PHC1: variants seen among roughly 807,000 people sequenced by gnomAD.
The protein encoded by PHC1 is polyhomeotic homolog 1.
A neutral mutation model predicts 104.3 loss-of-function variants in PHC1; 12 were observed. That is an observed-to-expected ratio of 0.12 (90% CI 0.07 to 0.19). The LOEUF (loss-of-function observed/expected upper bound fraction) is 0.19, where lower values mean the gene tolerates loss of function less well. Ranked by LOEUF, PHC1 falls within the 10% of genes least tolerant of loss-of-function variation. The pLI, the probability that PHC1 is intolerant of heterozygous loss-of-function variation, is 1.00. For missense variants in PHC1, 671 were observed against 1,200.0 expected (o/e 0.56, Z 6.51); for synonymous variants, 302 against 455.8 (o/e 0.66, Z 4.30).
chr12:8,923,200 G>A (rs1322744992), intron 6 of PHC1, among the ~76,000 whole-genome samples: 1 of 152,164 alleles, frequency 6.6e-6, no homozygotes, highest in Non-Finnish European at 1.5e-5. Flanking sequence ...ATGTTTGGTT[G>A]CTTCTGTTTG....
chr12:8,932,060 A>G (rs1219522573), intron 7 of PHC1, among the ~76,000 whole-genome samples: 1 of 152,216 alleles, frequency 6.6e-6, no homozygotes, highest in African/African-American at 2.4e-5. Flanking sequence ...GTAAAATCCA[A>G]GTCATTTGTG....
intron 8 of PHC1, 146 bp downstream of exon 8, chr12:8,933,496 C>T (rs1945749655): frequency 9.5e-7 from 1 of 1,048,770 alleles, no homozygotes; most frequent in Non-Finnish European, 1.3e-6. Context: ...AAGAGAGTGA[C>T]ACATTATATA....
chr12:8,923,522 C>T (rs1423442708), intron 6 of PHC1, among the ~76,000 whole-genome samples: 1 of 152,146 alleles, frequency 6.6e-6, no homozygotes, highest in Non-Finnish European at 1.5e-5. Context: ...ATACAACCAA[C>T]TGCAGATTGA....
At chr12:8,928,358 C>T (rs1945588529) in intron 6 of PHC1, among the ~76,000 whole-genome samples, 1 of 152,094 alleles carries the variant, frequency 6.6e-6, no homozygotes, top group Non-Finnish European at 1.5e-5. Context: ...ACTTCTGGTA[C>T]ACAGAATTTG....
At chr12:8,931,998 G>A (rs1349043656) in intron 7 of PHC1, among the ~76,000 whole-genome samples, 2 of 152,242 alleles carry the variant, frequency 1.3e-5, no homozygotes, top group African/African-American at 4.8e-5. Flanking sequence ...TTAGGTCAGA[G>A]CTGACAGGTG....
chr12:8,935,966 G>A (rs1340403582), intron 11 of PHC1, among the ~76,000 whole-genome samples: 1 of 151,778 alleles, frequency 6.6e-6, no homozygotes, highest in Non-Finnish European at 1.5e-5. Flanking sequence ...TCTGCATGTT[G>A]GTCAGGCTAG....
At chr12:8,932,072 G>C (rs1011689760) in intron 7 of PHC1, among the ~76,000 whole-genome samples, 2 of 152,188 alleles carry the variant, frequency 1.3e-5, no homozygotes, top group Admixed American at 6.5e-5. Flanking sequence ...TCATTTGTGG[G>C]AAGACGTTGA....
At chr12:8,937,479 C>A (rs764147778) in intron 13 of PHC1, among the ~76,000 whole-genome samples, 153 bp downstream of exon 13, 1 of 152,120 alleles carries the variant, frequency 6.6e-6, no homozygotes, top group Non-Finnish European at 1.5e-5. Context: ...ATCCTGACCC[C>A]CTTTGTCTCC....
intron 6 of PHC1, among the ~76,000 whole-genome samples, chr12:8,926,272 T>C (rs1486768711): frequency 7.0e-6 from 1 of 143,748 alleles, no homozygotes; most frequent in Admixed American, 7.3e-5. Context: ...ATATAGATGA[T>C]AATTGAAGTC....
Position 8,922,744 on chromosome 12 carries a change from G to T in PHC1, c.568G>T (p.Val190Leu), listed in dbSNP as rs1945401162. The change falls in exon 6 of 15, where the codon GTG (valine) becomes TTG (leucine). Residue 190 changes from valine (V) to leucine (L), a missense_variant. Physicochemically the swap from Val to Leu is conservative, Grantham distance 32 (BLOSUM62 1). Transcript: ENST00000544916. ...GGCGGTGGCTGCAGTCCAGCAGGAG[G>T]TGCCATCTGCTCAGTCTCCTGGAGT... Reference protein sequence around the residue: ...NGAVAAVQQEVPSAQSPGVHA... With the variant: ...NGAVAAVQQELPSAQSPGVHA... The T allele has an allele frequency of 9.3e-6, 15 of 1,612,676 alleles. No individual in the cohort carries two copies. The highest frequency in any genetic ancestry group is 1.2e-5 in the Non-Finnish European group (14 of 1,179,502).
In PHC1 at chr12:8,922,659, A is replaced by G. The variant is rs372373044; in HGVS notation, c.483A>G (p.Val161=). 1 of 1,586,760 alleles carries G rather than the reference A, an allele frequency of 6.3e-7. No homozygotes were observed. The highest frequency in any genetic ancestry group is 1.3e-5 in the African/African-American group (1 of 74,406). ...CACAGCTGGGAAACCTATTGCAGGT[A>G]AACCGAACCCTGGGTCGGAATGTGC... ...LRPQLGNLLQ[V]NRTLGRNVPL... The change falls in exon 6 of 15, where the codon GTA becomes GTG. Residue 161 remains valine, a synonymous_variant. Transcript: ENST00000544916.
chr12:8,928,941 A>G (rs1945605521), intron 6 of PHC1, among the ~76,000 whole-genome samples: 1 of 152,124 alleles, frequency 6.6e-6, no homozygotes, highest in Non-Finnish European at 1.5e-5. Context: ...TCTTCTGTAG[A>G]TGGCCCTTTG....
intron 8 of PHC1, 114 bp from the exon 9 acceptor site, chr12:8,933,751 A>G: frequency 1.2e-6 from 1 of 809,908 alleles, no homozygotes; most frequent in Admixed American, 2.7e-5. Flanking sequence ...GGAAGTAGAT[A>G]AATTGGGAAA....
chr12:8,940,146 CCT>C lies in PHC1; in HGVS notation c.*688_*689del, dbSNP rs1945968068. ...CCCTCCAATTTATGTTATTTTCTACCCTGTTTTTCAGTTCCATCTCTGCTCTG... is the reference window on the plus strand; with the variant it reads ...CCCTCCAATTTATGTTATTTTCTACCGTTTTTCAGTTCCATCTCTGCTCTG... On this transcript the variant is annotated 3_prime_UTR_variant, in exon 15 of 15. Coordinates refer to ENST00000544916, the MANE Select transcript of PHC1 (RefSeq NM_004426.3). 2.9e-6 allele frequency: 1 copy of C among 345,080 alleles called. No homozygotes were observed. Among genetic ancestry groups the C allele is most frequent in the Non-Finnish European group, 5.7e-6 (1 of 175,162 alleles). The allele number at this position is 345,080 out of a possible 1,614,324, so 21.4% of individuals were successfully genotyped here.
At chr12:8,934,944 T>C (rs1258918827) in intron 10 of PHC1, among the ~76,000 whole-genome samples, 180 bp from the exon 11 acceptor site, 2 of 151,980 alleles carry the variant, frequency 1.3e-5, no homozygotes, top group African/African-American at 4.8e-5. Context: ...TTTCCAAACA[T>C]TGTATAGAGA....
intron 11 of PHC1, among the ~76,000 whole-genome samples, chr12:8,936,311 G>A (rs1945835895): frequency 6.6e-6 from 1 of 152,208 alleles, no homozygotes; most frequent in South Asian, 2.1e-4. Flanking sequence ...GAGCCCGGGA[G>A]GTGGAGGTTG....
intron 8 of PHC1, 80 bp from the exon 9 acceptor site, chr12:8,933,785 T>G (rs1945757218): frequency 2.4e-6 from 3 of 1,237,206 alleles, no homozygotes; most frequent in South Asian, 1.4e-5. Flanking sequence ...AAATTTTCTT[T>G]GAACATATGG....
In PHC1 at chr12:8,921,734, C is replaced by T. The variant is rs771739511; in HGVS notation, c.440C>T (p.Ala147Val). The T allele has an allele frequency of 2.5e-6, 4 of 1,609,576 alleles. No homozygotes were observed. The African/African-American group carries it at 4.0e-5, about 16-fold the overall frequency. Residue 147 changes from alanine to valine, a missense_variant, in exon 5 of 15, where the codon GCC (alanine) becomes GTC (valine). Ala to Val is a moderately conservative substitution (Grantham distance 64, BLOSUM62 0). Coordinates refer to ENST00000544916, the MANE Select transcript of PHC1 (RefSeq NM_004426.3). Reference sequence around the variant, plus strand: ...TCCCCACCCCTCAACCAGTCTCAGGCCCAGATGTATCTACGGGTAAGCCAC... The same window carrying T: ...TCCCCACCCCTCAACCAGTCTCAGGTCCAGATGTATCTACGGGTAAGCCAC... ...TTSPPLNQSQ[A>V]QMYLRPQLGN...
At chr12:8,928,013 T>C (rs1191024487) in intron 6 of PHC1, among the ~76,000 whole-genome samples, 1 of 151,584 alleles carries the variant, frequency 6.6e-6, no homozygotes, top group Non-Finnish European at 1.5e-5. Flanking sequence ...TTCAAGCGAT[T>C]CTTGTACCTC....
Sources: gnomAD v4.1 joint callset for allele counts (sites outside exome capture counted in the v4.1 genomes callset) on GRCh38, gnomAD v4.1.1 for gene constraint, MANE v1.5 for transcripts, NCBI Gene and HGNC (gene_info 2026-07-23, HGNC 2026-07-21) for gene names.